Variants in YBX3 observed in about 807,000 individuals in gnomAD.
The protein encoded by YBX3 is Y-box binding protein 3, also known as Y-box-binding protein 3.
YBX3 carries 29 observed loss-of-function variants against 42.4 expected under a neutral mutation model. That is an observed-to-expected ratio of 0.68 (90% CI 0.51 to 0.93). The LOEUF is 0.93. Among genes scored for constraint, YBX3 ranks in the 40% least tolerant of loss-of-function variants. YBX3 has a pLI of 0.00. For synonymous variants in YBX3, 195 were observed against 189.8 expected, an observed-to-expected ratio of 1.03 and a Z score of -0.22; for missense variants, 517 against 527.5, an observed-to-expected ratio of 0.98 and a Z score of 0.19.
chr12:10,701,502 T>C, intron 8 of YBX3, 149 bp from the exon 9 acceptor site: 1 of 626,990 alleles, frequency 1.6e-6, no homozygotes, highest in Non-Finnish European at 2.9e-6. Flanking sequence ...CACAAATTAG[T>C]ACCATATTCA....
chr12:10,720,031 C>T (rs944455293), intron 1 of YBX3, among the ~76,000 whole-genome samples: 1 of 152,038 alleles, frequency 6.6e-6, no homozygotes, highest in African/African-American at 2.4e-5. Flanking sequence ...TTCAGTACTT[C>T]TAGGAAATGC....
In YBX3 at chr12:10,723,186, GCGGC is replaced by G. The variant is rs1948356056; in HGVS notation, c.-79_-76del. On this transcript the variant is annotated 5_prime_UTR_variant, in exon 1 of 10. Transcript: ENST00000228251. ...GCGGTTAGCGCGGCTGGTGGTCGCG[GCGGC>G]CGGGGCTCGCTCTCGGGGAGGCCGG... The G allele has an allele frequency of 8.5e-7, 1 of 1,181,330 alleles. No homozygotes were observed. 73.2% of individuals were successfully genotyped at this position (1,181,330 alleles called of 1,614,324 possible). A position where few individuals can be genotyped will look rare whatever the true frequency, so the allele number is the denominator to read the frequency against.
chr12:10,716,029 T>C (rs946801214), intron 3 of YBX3: 5 of 463,226 alleles, frequency 1.1e-5, no homozygotes, highest in Non-Finnish European at 2.0e-5. Flanking sequence ...ATGTTTTTTC[T>C]ATAACTGCAG....
chr12:10,701,828 A>G, intron 8 of YBX3, 132 bp downstream of exon 8: 1 of 1,048,674 alleles, frequency 9.5e-7, no homozygotes. Context: ...CCCTATATAT[A>G]TGGATCTTGA....
intron 5 of YBX3, 130 bp downstream of exon 5, chr12:10,713,080 GA>G (rs1948217704): frequency 8.1e-7 from 1 of 1,237,258 alleles, no homozygotes; most frequent in Non-Finnish European, 1.1e-6. Flanking sequence ...TTCCTCTAAA[GA>G]AAAAATAAAA....
chr12:10,716,635 T>C (rs879804989), intron 3 of YBX3, among the ~76,000 whole-genome samples: 9 of 152,214 alleles, frequency 5.9e-5, no homozygotes, highest in Non-Finnish European at 1.2e-4. Flanking sequence ...TTAAAGGGGC[T>C]TGCGTTTCTA....
At chr12:10,706,858 A>T (rs1482748691) in intron 6 of YBX3, among the ~76,000 whole-genome samples, 1 of 152,046 alleles carries the variant, frequency 6.6e-6, no homozygotes, top group Non-Finnish European at 1.5e-5. Context: ...TCTACTAAAA[A>T]TACAAAAAAT....
At position 10,710,083 on chromosome 12, in the gene YBX3, C is replaced by A; in HGVS notation, c.605G>T (p.Gly202Val). Residue 202 changes from glycine to valine, a missense_variant, in exon 6 of 10, where the codon GGC becomes GTC. This residue lies in a region of YBX3 where 420 missense variants were observed against 408.5 expected (regional missense o/e 1.03). Transcript: ENST00000228251. ...YAGEEEEEGSGSSEGFDPPAT... is the reference protein window; with the variant it reads ...YAGEEEEEGSVSSEGFDPPAT... The stretch of plus-strand genomic sequence containing the variant: ...AGGGGGGTCAAATCCTTCACTGCTG[C>A]CGCTCCCTTCCTCCTCCTCCTCCCC... The A allele has an allele frequency of 6.2e-7, 1 of 1,613,778 alleles. No homozygotes were observed. The highest frequency in any genetic ancestry group is 8.5e-7 in the Non-Finnish European group (1 of 1,179,904).
chr12:10,722,809 G>A lies in YBX3; in HGVS notation c.262+41C>T. 1 of 1,392,676 alleles carries A rather than the reference G, an allele frequency of 7.2e-7. No individual in the cohort carries two copies. The highest frequency in any genetic ancestry group is 9.3e-7 in the Non-Finnish European group (1 of 1,070,822). The allele number at this position is 1,392,676 out of a possible 1,614,324, so 86.3% of individuals were successfully genotyped here. A position where few individuals can be genotyped will look rare whatever the true frequency, so the allele number is the denominator to read the frequency against. On this transcript the variant is annotated intron_variant, in intron 1 of 9. Coordinates refer to ENST00000228251, the MANE Select transcript of YBX3 (RefSeq NM_003651.5). ...ACGTGCTCCGCGGCCGGCTGGGCCC[G>A]CCCCACTACGGCAGCCCCTGCCCTC...
intron 2 of YBX3, among the ~76,000 whole-genome samples, chr12:10,718,849 C>A (rs1467367267): frequency 6.6e-6 from 1 of 152,182 alleles, no homozygotes; most frequent in Non-Finnish European, 1.5e-5. Context: ...TTATCTCCCC[C>A]TCCTTTTCTT....
rs764846792 is a variant in YBX3, at chr12:10,722,904, CGGCCGCGGTGCCCGTGGCTGCGGG to C, written c.184_207del (p.Pro62_Ala69del). ...CCGGCGGCGGTGGCTAAAGAGGCGG[CGGCCGCGGTGCCCGTGGCTGCGGG>C]GGCCGCGTCCCCACCGGGGTTTCCT... On this transcript the variant is annotated inframe_deletion, in exon 1 of 10. Coordinates refer to ENST00000228251, the MANE Select transcript of YBX3 (RefSeq NM_003651.5). 41 of 1,439,628 alleles carry C rather than the reference CGGCCGCGGTGCCCGTGGCTGCGGG, an allele frequency of 2.8e-5. No individual in the cohort carries two copies. The highest frequency in any genetic ancestry group is 2.9e-5 in the East Asian group (1 of 34,290). 89.2% of individuals were successfully genotyped at this position (1,439,628 alleles called of 1,614,324 possible).
chr12:10,723,049 C>T lies in YBX3; in HGVS notation c.63G>A (p.Glu21=), dbSNP rs1376672695. The T allele has an allele frequency of 8.3e-7, 1 of 1,206,680 alleles. No individual in the cohort carries two copies. Among genetic ancestry groups the T allele is most frequent in the African/African-American group, 1.6e-5 (1 of 62,932 alleles). The allele number at this position is 1,206,680 out of a possible 1,614,324, so 74.7% of individuals were successfully genotyped here. A position where few individuals can be genotyped will look rare whatever the true frequency, so the allele number is the denominator to read the frequency against. The part of the protein sequence containing the change: ...TTTTLPQAPT[E]AAAAAPQDPA... ...GGTCCTGGGGAGCCGCGGCGGCCGC[C>T]TCCGTCGGAGCCTGCGGGAGGGTGG... The change falls in exon 1 of 10, where the codon GAG becomes GAA. Residue 21 remains glutamate (E), a synonymous_variant. Coordinates refer to ENST00000228251, the MANE Select transcript of YBX3 (RefSeq NM_003651.5).
intron 1 of YBX3, 112 bp downstream of exon 1, chr12:10,722,738 G>A (rs1206288873): frequency 6.9e-6 from 7 of 1,012,298 alleles, no homozygotes; most frequent in Non-Finnish European, 7.7e-6. Context: ...ACCCTGTGCT[G>A]TCAGCGTCTC....
chr12:10,710,140 CAGA>C (rs761915154), intron 5 of YBX3, 26 bp from the exon 6 acceptor site: 83 of 1,606,440 alleles, frequency 5.2e-5, no homozygotes, highest in Middle Eastern at 1.6e-4. Flanking sequence ...AACAGAGATT[CAGA>C]AGAAGTTTTA....
At position 10,719,128 on chromosome 12, in the gene YBX3, C is replaced by G; in HGVS notation, c.278G>C (p.Gly93Ala). 1 of 1,613,424 alleles carries G rather than the reference C, an allele frequency of 6.2e-7. No homozygotes were observed. The highest frequency in any genetic ancestry group is 8.5e-7 in the Non-Finnish European group (1 of 1,179,652). ...TCTGACGTTGAACCATTTGACAGTG[C>G]CAAGGACTTTGGTGGCTAAAATAGG... ...EKKVLATKVL[G>A]TVKWFNVRNG... The change falls in exon 2 of 10, where the codon GGC becomes GCC. Residue 93 changes from glycine to alanine, a missense_variant. Transcript: ENST00000228251.
intron 1 of YBX3, chr12:10,721,831 C>A (rs1447611154): frequency 6.6e-6 from 1 of 152,166 alleles, no homozygotes; most frequent in Non-Finnish European, 1.5e-5. Flanking sequence ...TAAGAGCGAA[C>A]GATATGGACA....
rs898264692 is a variant in YBX3, at chr12:10,704,034, T to TG, written c.878+16dup. The TG allele has an allele frequency of 1.9e-6, 3 of 1,613,294 alleles. No individual in the cohort carries two copies. The highest frequency in any genetic ancestry group is 3.3e-5 in the Admixed American group (2 of 60,014). ...CACAAGTCCTTTAACTGGCCATTAG[T>TG]GGAAAATGCGACATACCTACGGTAC... On this transcript the variant is annotated intron_variant, in intron 7 of 9. Transcript: ENST00000228251.
intron 5 of YBX3, chr12:10,710,647 T>C: frequency 8.7e-7 from 1 of 1,147,138 alleles, no homozygotes; most frequent in African/African-American, 1.6e-5. Context: ...ACTAAGATGC[T>C]ATTTGCCTTT....
At chr12:10,722,688 G>A (rs1401949047) in intron 1 of YBX3, among the ~76,000 whole-genome samples, 162 bp downstream of exon 1, 1 of 152,002 alleles carries the variant, frequency 6.6e-6, no homozygotes, top group African/African-American at 2.4e-5. Flanking sequence ...GGCCAGCGCT[G>A]GGGACCCGGA....
Sources: allele counts gnomAD v4.1 joint callset (sites outside exome capture counted in the v4.1 genomes callset), GRCh38; gene constraint gnomAD v4.1.1; regional missense constraint gnomAD v4.1.1; transcripts MANE v1.5; gene names NCBI Gene and HGNC (gene_info 2026-07-23, HGNC 2026-07-21).